The following PRIM2 variants were observed in gnomAD, a reference collection of about 807,000 sequenced individuals.
The protein encoded by PRIM2 is DNA primase subunit 2, also known as DNA primase large subunit.
Under a neutral mutation model 67.3 loss-of-function variants are expected in PRIM2, and 39 were observed. The observed-to-expected ratio is 0.58, with a 90% CI of 0.45 to 0.76. The LOEUF (loss-of-function observed/expected upper bound fraction) is 0.76. Among genes scored for constraint, PRIM2 ranks in the 30% least tolerant of loss-of-function variants. PRIM2 has a pLI of 0.00. For synonymous variants in PRIM2, 143 were observed against 198.7 expected, an observed-to-expected ratio of 0.72 and a Z score of 2.36; for missense variants, 398 against 598.7, an observed-to-expected ratio of 0.66 and a Z score of 3.50.
intron 5 of PRIM2, among the ~76,000 whole-genome samples, chr6:57,376,131 A>G (rs1349341359): frequency 1.3e-5 from 2 of 152,178 alleles, no homozygotes; most frequent in Non-Finnish European, 2.9e-5. Context: ...CAGAAAGTTC[A>G]ATTACTCAGT....
At chr6:57,238,885 C>T in the PRIM2 span, among the ~76,000 whole-genome samples, 1 of 152,220 alleles carries the variant, frequency 6.6e-6, no homozygotes, top group Admixed American at 6.5e-5. Flanking sequence ...TCTTCTTTGA[C>T]ATATTATTGT....
At chr6:57,356,875 C>T (rs1256694288) in intron 5 of PRIM2, among the ~76,000 whole-genome samples, 1 of 151,290 alleles carries the variant, frequency 6.6e-6, no homozygotes, top group Non-Finnish European at 1.5e-5. Flanking sequence ...CATCTCCTTT[C>T]AGTTTCATTG....
the PRIM2 span, among the ~76,000 whole-genome samples, chr6:57,294,377 A>G: frequency 6.6e-6 from 1 of 152,082 alleles, no homozygotes; most frequent in Non-Finnish European, 1.5e-5. Context: ...GCTACTCAGA[A>G]GGTTAAGGCA....
intron 5 of PRIM2, among the ~76,000 whole-genome samples, chr6:57,337,303 A>C (rs1351250508): frequency 6.6e-6 from 1 of 152,176 alleles, no homozygotes; most frequent in South Asian, 2.1e-4. Context: ...CAGATCAACA[A>C]GACAGAAAGT....
At chr6:57,397,348 G>A (rs1770548299) in intron 7 of PRIM2, among the ~76,000 whole-genome samples, 1 of 152,068 alleles carries the variant, frequency 6.6e-6, no homozygotes, top group Non-Finnish European at 1.5e-5. Flanking sequence ...ACTTCTTGGA[G>A]GCTTTGTTCA....
intron 10 of PRIM2, among the ~76,000 whole-genome samples, chr6:57,547,984 A>C: frequency 1.3e-5 from 2 of 152,324 alleles, no homozygotes; most frequent in Middle Eastern, 6.8e-3. Context: ...GAAATGTGGA[A>C]TCTCAGAATC....
chr6:57,485,313 C>T (rs1156896000), intron 7 of PRIM2, among the ~76,000 whole-genome samples: 22 of 152,230 alleles, frequency 1.4e-4, no homozygotes, highest in Non-Finnish European at 3.2e-4. Context: ...GCCCTGTTTA[C>T]CTTAACTCTT....
At chr6:57,320,335 A>G (rs894604622) in intron 2 of PRIM2, 122 bp from the exon 3 acceptor site, 5 of 611,934 alleles carry the variant, frequency 8.2e-6, no homozygotes, top group Non-Finnish European at 1.4e-5. Flanking sequence ...TACAGGAAAT[A>G]AACTGGCAAT....
intron 7 of PRIM2, among the ~76,000 whole-genome samples, chr6:57,479,774 T>C (rs1474839153): frequency 1.3e-5 from 2 of 152,254 alleles, no homozygotes; most frequent in Non-Finnish European, 2.9e-5. Context: ...TTTTGGTTGT[T>C]GTTGTTTGCT....
intron 9 of PRIM2, among the ~76,000 whole-genome samples, chr6:57,534,669 T>C (rs1178634352): frequency 2.6e-5 from 4 of 152,238 alleles, no homozygotes; most frequent in Non-Finnish European, 4.4e-5. Flanking sequence ...TTTTATCATA[T>C]GTAGACTTAA....
the PRIM2 span, among the ~76,000 whole-genome samples, chr6:57,257,818 TG>T: frequency 1.2e-4 from 19 of 152,250 alleles, no homozygotes; most frequent in Non-Finnish European, 2.8e-4. Context: ...TGTTAAATGT[TG>T]GAACAGTGGG....
At chr6:57,496,309 G>C (rs1413814224) in intron 7 of PRIM2, among the ~76,000 whole-genome samples, 2 of 152,150 alleles carry the variant, frequency 1.3e-5, no homozygotes, top group Non-Finnish European at 2.9e-5. Context: ...TAGGTAAAAT[G>C]GTAAGATTGC....
At chr6:57,586,632 T>A (rs1166805024) in intron 10 of PRIM2, among the ~76,000 whole-genome samples, 1 of 151,804 alleles carries the variant, frequency 6.6e-6, no homozygotes, top group African/African-American at 2.4e-5. Context: ...AGGGAAGGTA[T>A]AGCAAAATAG....
intron 10 of PRIM2, among the ~76,000 whole-genome samples, chr6:57,582,097 T>C (rs2127485291): frequency 6.6e-6 from 1 of 152,320 alleles, no homozygotes; most frequent in African/African-American, 2.4e-5. Context: ...AGTGCTGGGA[T>C]TAGAGGTGGG....
At chr6:57,510,724 A>G (rs1208083329) in intron 8 of PRIM2, among the ~76,000 whole-genome samples, 2 of 152,178 alleles carry the variant, frequency 1.3e-5, no homozygotes, top group Non-Finnish European at 2.9e-5. Context: ...GCTGATGTGC[A>G]TAGTTTGACA....
intron 10 of PRIM2, among the ~76,000 whole-genome samples, chr6:57,545,930 G>C (rs2127473330): frequency 6.6e-6 from 1 of 152,302 alleles, no homozygotes; most frequent in Non-Finnish European, 1.5e-5. Context: ...GGGGAGTCTG[G>C]AGACATAGAT....
At chr6:57,333,467 A>G (rs1009141717) in intron 5 of PRIM2, among the ~76,000 whole-genome samples, 3 of 152,066 alleles carry the variant, frequency 2.0e-5, no homozygotes, top group African/African-American at 7.2e-5. Flanking sequence ...TGTGTAGTGA[A>G]CTTTCATGGC....
intron 8 of PRIM2, among the ~76,000 whole-genome samples, chr6:57,531,476 A>G (rs1774888423): frequency 6.6e-6 from 1 of 152,120 alleles, no homozygotes; most frequent in Non-Finnish European, 1.5e-5. Context: ...TATGTAATCT[A>G]GCAGCTGTTT....
chr6:57,626,241 G>GA (rs1301560046), intron 12 of PRIM2, among the ~76,000 whole-genome samples: 2 of 152,200 alleles, frequency 1.3e-5, no homozygotes, highest in Non-Finnish European at 2.9e-5. Flanking sequence ...AGAGAGAGAG[G>GA]AATTTGCAGC....
Sources: allele counts gnomAD v4.1 joint callset (sites outside exome capture counted in the v4.1 genomes callset), GRCh38; gene constraint gnomAD v4.1.1; transcripts MANE v1.5; gene names NCBI Gene and HGNC (gene_info 2026-07-23, HGNC 2026-07-21).